SLIT3: variants seen among roughly 807,000 people sequenced by gnomAD.
SLIT3 encodes the protein slit homolog 3 protein.
In SLIT3, 68 loss-of-function variants were observed where a neutral mutation model predicts 184.0. That is an observed-to-expected ratio of 0.37 (90% CI 0.30 to 0.45). The LOEUF (loss-of-function observed/expected upper bound fraction) is 0.45, where lower values mean the gene tolerates loss of function less well. Ranked by LOEUF, SLIT3 falls within the 20% of genes least tolerant of loss-of-function variation. SLIT3 has a pLI of 1.00. For synonymous variants in SLIT3, 831 were observed against 828.6 expected, an observed-to-expected ratio of 1.00 and a Z score of -0.05; for missense variants, 1,707 against 2,026.0, an observed-to-expected ratio of 0.84 and a Z score of 3.02.
intron 4 of SLIT3, among the ~76,000 whole-genome samples, chr5:169,021,181 A>G (rs1581314616): frequency 6.6e-6 from 1 of 152,138 alleles, no homozygotes; most frequent in African/African-American, 2.4e-5. Flanking sequence ...ACCAGACTGG[A>G]TTTTAGCTAT....
At chr5:168,879,114 T>C (rs1332505523) in intron 5 of SLIT3, among the ~76,000 whole-genome samples, 1 of 152,242 alleles carries the variant, frequency 6.6e-6, no homozygotes, top group Non-Finnish European at 1.5e-5. Flanking sequence ...TTTTATTTTC[T>C]CCGTGTAGTA....
intron 3 of SLIT3, among the ~76,000 whole-genome samples, chr5:169,220,286 T>A (rs1764578098): frequency 6.8e-6 from 1 of 147,280 alleles, no homozygotes; most frequent in Non-Finnish European, 1.5e-5. Flanking sequence ...GCCCTCTTCC[T>A]CACAAACTGG....
chr5:168,823,620 G>C (rs1323674452), intron 6 of SLIT3, among the ~76,000 whole-genome samples: 1 of 152,142 alleles, frequency 6.6e-6, no homozygotes, highest in Non-Finnish European at 1.5e-5. Flanking sequence ...TGCACTGAGT[G>C]CTTCATTATA....
In SLIT3 at chr5:169,190,138, G is replaced by C. The variant is rs77687585; in HGVS notation, c.413+3341C>G. Among the ~76,000 whole-genome samples the C allele has an allele frequency of 8.9e-3, 1,348 of 152,230 alleles. 59 individuals are homozygous for C. The highest frequency in any genetic ancestry group is 0.071 in the Admixed American group (1,082 of 15,288). On this transcript the variant is annotated intron_variant, in intron 4 of 35. Transcript: ENST00000519560. ...ACCATCTCATTAGCAACATTGATTG[G>C]CTGGGACATGGGCATATATGACCAA...
At chr5:168,709,883 T>C (rs531222930) in intron 25 of SLIT3, among the ~76,000 whole-genome samples, 1 of 151,922 alleles carries the variant, frequency 6.6e-6, no homozygotes, top group East Asian at 1.9e-4. Flanking sequence ...GAGAAAATAA[T>C]GAGAGTCTAA....
intron 4 of SLIT3, among the ~76,000 whole-genome samples, chr5:169,069,174 G>A (rs1289513441): frequency 6.6e-6 from 1 of 152,248 alleles, no homozygotes; most frequent in Non-Finnish European, 1.5e-5. Context: ...GTTGAGGAAA[G>A]TGAGTTTGGC....
intron 4 of SLIT3, among the ~76,000 whole-genome samples, chr5:168,891,226 T>A (rs1248599877): frequency 6.6e-6 from 1 of 152,126 alleles, no homozygotes; most frequent in Non-Finnish European, 1.5e-5. Context: ...GTCTCAGACA[T>A]GAGACTGCTG....
chr5:168,885,479 G>C (rs779684948), intron 4 of SLIT3, among the ~76,000 whole-genome samples: 1 of 152,110 alleles, frequency 6.6e-6, no homozygotes, highest in Non-Finnish European at 1.5e-5. Flanking sequence ...CCGGAGCAGG[G>C]GCCCAGGTCC....
At chr5:168,840,587 C>T (rs1298566338) in intron 6 of SLIT3, among the ~76,000 whole-genome samples, 1 of 152,082 alleles carries the variant, frequency 6.6e-6, no homozygotes, top group Non-Finnish European at 1.5e-5. Flanking sequence ...CCTGACCACA[C>T]AGAGCCAGGA....
chr5:169,239,800 T>C (rs1261577451), intron 3 of SLIT3, among the ~76,000 whole-genome samples: 1 of 152,076 alleles, frequency 6.6e-6, no homozygotes, highest in African/African-American at 2.4e-5. Context: ...TCTTCTGTTC[T>C]GTTGTTCTTG....
chr5:169,163,682 G>C (rs1762547470), intron 4 of SLIT3, among the ~76,000 whole-genome samples: 1 of 152,160 alleles, frequency 6.6e-6, no homozygotes, highest in South Asian at 2.1e-4. Flanking sequence ...TAGACAGATA[G>C]CATGAGCTAT....
At chr5:169,045,166 C>T (rs1339513882) in intron 4 of SLIT3, among the ~76,000 whole-genome samples, 3 of 152,126 alleles carry the variant, frequency 2.0e-5, no homozygotes, top group African/African-American at 4.8e-5. Flanking sequence ...CAATGCATTC[C>T]TGTTGTGCCC....
At chr5:168,886,924 A>G (rs957553983) in intron 4 of SLIT3, among the ~76,000 whole-genome samples, 1 of 152,244 alleles carries the variant, frequency 6.6e-6, no homozygotes. Flanking sequence ...TAAGTCAAAT[A>G]GGAGTTGGCA....
At chr5:169,061,954 C>CCA (rs1373179458) in intron 4 of SLIT3, among the ~76,000 whole-genome samples, 2 of 152,228 alleles carry the variant, frequency 1.3e-5, no homozygotes, top group African/African-American at 4.8e-5. Context: ...AGAATTTACG[C>CCA]CACCCCAATC....
intron 5 of SLIT3, among the ~76,000 whole-genome samples, chr5:168,864,803 A>T (rs1055633647): frequency 1.3e-5 from 2 of 152,246 alleles, no homozygotes; most frequent in African/African-American, 4.8e-5. Flanking sequence ...AGACAATGGG[A>T]TAGAGGACAG....
At chr5:168,956,942 T>A (rs1471705505) in intron 4 of SLIT3, among the ~76,000 whole-genome samples, 12 of 146,414 alleles carry the variant, frequency 8.2e-5, no homozygotes, top group Admixed American at 6.8e-4. Flanking sequence ...ACATCCACTT[T>A]AAAAAAAAAA....
At chr5:169,008,834 C>T (rs1475239075) in intron 4 of SLIT3, among the ~76,000 whole-genome samples, 1 of 152,130 alleles carries the variant, frequency 6.6e-6, no homozygotes, top group African/African-American at 2.4e-5. Flanking sequence ...TAATAGCAAA[C>T]ATTCACTAAG....
chr5:169,043,499 T>C (rs985689787), intron 4 of SLIT3, among the ~76,000 whole-genome samples: 1 of 152,214 alleles, frequency 6.6e-6, no homozygotes, highest in African/African-American at 2.4e-5. Flanking sequence ...CCAACTAAAA[T>C]GCATGAAAAT....
chr5:168,731,012 G>T lies in SLIT3; in HGVS notation c.2271-6528C>A, dbSNP rs148482759. Among the ~76,000 whole-genome samples, 100 of 151,628 alleles carry T rather than the reference G, an allele frequency of 6.6e-4. 1 individual carries two copies. The highest frequency in any genetic ancestry group is 2.3e-3 in the African/African-American group (97 of 41,444). On this transcript the variant is annotated intron_variant, in intron 20 of 35. Coordinates refer to ENST00000519560, the MANE Select transcript of SLIT3 (RefSeq NM_003062.4). ...AAAGAAAAAGTTGGTTCTTCAAAAA[G>T]ATAAACAAAATTGATAAATCACTAG...
Sources: gnomAD v4.1 joint callset for allele counts (sites outside exome capture counted in the v4.1 genomes callset) on GRCh38, gnomAD v4.1.1 for gene constraint, MANE v1.5 for transcripts, NCBI Gene and HGNC (gene_info 2026-07-23, HGNC 2026-07-21) for gene names.